Variants in RLF observed in about 807,000 individuals in gnomAD.
RLF encodes the protein zinc finger protein Rlf.
In RLF, 7 loss-of-function variants were observed where a neutral mutation model predicts 162.9. The observed-to-expected ratio is 0.04, with a 90% CI of 0.02 to 0.08. RLF has a LOEUF of 0.08. RLF is among the 10% of genes least tolerant of loss of function. RLF has a pLI of 1.00. For synonymous variants in RLF, 782 were observed against 791.5 expected (o/e 0.99, Z 0.20); for missense variants, 1,664 against 2,244.7 (o/e 0.74, Z 5.23).
rs1417366690 is a variant in RLF, at chr1:40,220,498, A to C, written c.811-2076A>C. ...CCCAGAAAGTCTTTTTTGGTCCCCA[A>C]ATTTGAGTTAGATTCTTCCTACCAA... On this transcript the variant is annotated intron_variant, in intron 5 of 7. Coordinates refer to ENST00000372771, the MANE Select transcript of RLF (RefSeq NM_012421.4). Among the ~76,000 whole-genome samples, 3 of 152,076 alleles carry C rather than the reference A, an allele frequency of 2.0e-5. No individual in the cohort carries two copies. In the East Asian group the frequency reaches 5.8e-4, roughly 29 times the overall value.
intron 5 of RLF, among the ~76,000 whole-genome samples, chr1:40,218,261 A>G (rs189155452): frequency 2.1e-4 from 32 of 152,288 alleles, no homozygotes; most frequent in Admixed American, 1.8e-3. Context: ...CCACCTTCAT[A>G]TGGTTGCCTT....
intron 5 of RLF, among the ~76,000 whole-genome samples, chr1:40,219,408 A>G (rs996468534): frequency 1.3e-5 from 2 of 152,210 alleles, no homozygotes; most frequent in African/African-American, 4.8e-5. Context: ...TTTAGAGTCT[A>G]TAAGGAAGAA....
rs141275480 is a variant in RLF, at chr1:40,232,371, A to G, written c.1089+713A>G. On this transcript the variant is annotated intron_variant, in intron 7 of 7. Coordinates refer to ENST00000372771, the MANE Select transcript of RLF (RefSeq NM_012421.4). ...AATAACATCACAAAAATTAATACTTAAAACAATGTCCGTTTTTATCAGTTC... is the reference window on the plus strand; with the variant it reads ...AATAACATCACAAAAATTAATACTTGAAACAATGTCCGTTTTTATCAGTTC... Among the ~76,000 whole-genome samples the G allele has an allele frequency of 1.2e-3, 184 of 152,348 alleles. 5 individuals carry two copies. In the South Asian group the frequency reaches 0.024, roughly 20 times the overall value.
At chr1:40,228,192 A>G (rs963136039) in intron 6 of RLF, among the ~76,000 whole-genome samples, 1 of 151,868 alleles carries the variant, frequency 6.6e-6, no homozygotes, top group Non-Finnish European at 1.5e-5. Context: ...AGGCTGAGGC[A>G]GGAGAATTGC....
chr1:40,165,365 A>G (rs769029339), intron 1 of RLF, among the ~76,000 whole-genome samples: 8 of 152,224 alleles, frequency 5.3e-5, no homozygotes, highest in Non-Finnish European at 1.0e-4. Context: ...TTTGGGAAAG[A>G]TGATTTTAAT....
chr1:40,221,917 A>AAAAAAAAAAAAAAAAAAAAAAG (rs1486982312), intron 5 of RLF, among the ~76,000 whole-genome samples: 11 of 150,376 alleles, frequency 7.3e-5, no homozygotes, highest in South Asian at 4.2e-4. Context: ...AAAAAAAAAA[A>AAAAAAAAAAAAAAAAAAAAAAG]AGAGAAAGGA....
At chr1:40,188,618 GAA>G (rs11406786) in intron 1 of RLF, among the ~76,000 whole-genome samples, 17 of 145,964 alleles carry the variant, frequency 1.2e-4, no homozygotes, top group Non-Finnish European at 2.4e-4. Flanking sequence ...CATGTGTCCA[GAA>G]AAAAAAAAAA....
chr1:40,187,011 T>G (rs1158731836), intron 1 of RLF, among the ~76,000 whole-genome samples: 1 of 152,072 alleles, frequency 6.6e-6, no homozygotes, highest in Non-Finnish European at 1.5e-5. Context: ...AACATAGATT[T>G]TAATAAATTT....
At chr1:40,228,819 A>G (rs894686397) in intron 6 of RLF, among the ~76,000 whole-genome samples, 1 of 151,994 alleles carries the variant, frequency 6.6e-6, no homozygotes, top group African/African-American at 2.4e-5. Context: ...TTGAGAGAAG[A>G]TATTACTCTG....
chr1:40,207,645 C>G (rs1302625893), intron 5 of RLF, among the ~76,000 whole-genome samples: 5 of 152,164 alleles, frequency 3.3e-5, no homozygotes, highest in African/African-American at 4.8e-5. Flanking sequence ...GACAGAGTCT[C>G]TGTCGCCCAG....
intron 1 of RLF, among the ~76,000 whole-genome samples, chr1:40,166,737 A>T (rs970208192): frequency 1.3e-5 from 2 of 151,852 alleles, no homozygotes; most frequent in African/African-American, 4.8e-5. Context: ...CATCATTCTG[A>T]GCAAACTATT....
chr1:40,238,966 A>C lies in RLF; in HGVS notation c.4264A>C (p.Asn1422His). The change falls in exon 8 of 8, where the codon AAC (asparagine) becomes CAC (histidine). Residue 1422 changes from asparagine (N) to histidine (H), a missense_variant. By Grantham distance (68) the Asn-to-His change is moderately conservative. Around this residue, in one of 15 missense-constraint regions of RLF, gnomAD observed 200 missense variants for 207.3 expected, o/e 0.96. Transcript: ENST00000372771. This position sits in a 1 kb window ranked among gnomAD's most constrained non-coding sequence, Gnocchi z 5.2. The part of the protein sequence containing the change: ...PQCPAVFYTF[N>H]KLKHHLMEQH... ...GTGCCCTGCTGTTTTTTATACATTCAACAAGTTGAAGCACCACTTGATGGA... is the reference window on the plus strand; with the variant it reads ...GTGCCCTGCTGTTTTTTATACATTCCACAAGTTGAAGCACCACTTGATGGA... 1.2e-6 allele frequency: 2 copies of C among 1,614,212 alleles called. No individual in the cohort carries two copies. The highest frequency in any genetic ancestry group is 1.7e-6 in the Non-Finnish European group (2 of 1,180,030).
At chr1:40,186,461 G>T (rs767428385) in intron 1 of RLF, among the ~76,000 whole-genome samples, 33 of 152,198 alleles carry the variant, frequency 2.2e-4, no homozygotes, top group Non-Finnish European at 4.0e-4. Flanking sequence ...AGTTCCTCAA[G>T]AGTATTGAAT....
rs1321132637 is a variant in RLF at position 40,237,956 on chromosome 1, T to C, written c.3254T>C (p.Leu1085Ser). The C allele has an allele frequency of 1.2e-6, 2 of 1,614,162 alleles. No homozygotes were observed. The highest frequency in any genetic ancestry group is 1.6e-4 in the Middle Eastern group (1 of 6,062). Residue 1085 changes from leucine (L) to serine (S), a missense_variant, in exon 8 of 8, where the codon TTG (leucine) becomes TCG (serine). By Grantham distance (145) the Leu-to-Ser change is moderately radical (BLOSUM62 -2). Coordinates refer to ENST00000372771, the MANE Select transcript of RLF (RefSeq NM_012421.4). This position sits in a 1 kb window ranked among gnomAD's most constrained non-coding sequence, Gnocchi z 4.4. ...SITHGSFSGSLQGYPSSGAKS... is the reference protein window; with the variant it reads ...SITHGSFSGSSQGYPSSGAKS... ...ACACATGGATCTTTCTCAGGGTCAT[T>C]GCAGGGGTACCCATCCAGTGGTGCT...
Position 40,202,506 on chromosome 1 carries a change from A to G in RLF, c.702A>G (p.Leu234=). Reference sequence around the variant, plus strand: ...ACTGCATCCCCCAGGCTACTGCTTTATCAAAACTATGTGCAGAATCTAAAG... The same window carrying G: ...ACTGCATCCCCCAGGCTACTGCTTTGTCAAAACTATGTGCAGAATCTAAAG... The part of the protein sequence containing the change: ...KSNCIPQATA[L]SKLCAESKEI... The change falls in exon 5 of 8, where the codon TTA becomes TTG. Residue 234 remains leucine (L), a synonymous_variant. Transcript: ENST00000372771. 1.3e-6 allele frequency: 2 copies of G among 1,578,106 alleles called. No individual in the cohort carries two copies. The highest frequency in any genetic ancestry group is 2.1e-5 in the Admixed American group (1 of 48,700).
intron 1 of RLF, among the ~76,000 whole-genome samples, chr1:40,182,897 T>G (rs1328044540): frequency 6.6e-6 from 1 of 151,234 alleles, no homozygotes; most frequent in East Asian, 1.9e-4. Flanking sequence ...ACTTAGGGGG[T>G]TTAATTTACT....
At chr1:40,163,443 A>G (rs1642123803) in intron 1 of RLF, among the ~76,000 whole-genome samples, 1 of 152,208 alleles carries the variant, frequency 6.6e-6, no homozygotes, top group Non-Finnish European at 1.5e-5. Context: ...TTGTCAAAGG[A>G]TCACATATAT....
At position 40,237,853 on chromosome 1, in the gene RLF, T is replaced by C. The variant is rs539369719; in HGVS notation, c.3151T>C (p.Ser1051Pro). 1.9e-6 allele frequency: 3 copies of C among 1,614,146 alleles called. No individual in the cohort carries two copies. The African/African-American group carries it at 4.0e-5, about 22-fold the overall frequency. ...TTCCTCAGAATCCTCCATTTGTGCT[T>C]CTAAAAGGCCCTGTACAGAGGATAC... is the stretch of plus-strand genomic sequence containing the variant. ...GYSSESSICA[S>P]KRPCTEDTML... The change falls in exon 8 of 8, where the codon TCT becomes CCT. Residue 1051 changes from serine (S) to proline (P), a missense_variant. Transcript: ENST00000372771. The surrounding 1 kb of genome is among the most constrained non-coding windows in gnomAD (Gnocchi z 4.4).
At chr1:40,215,711 T>A (rs1041057011) in intron 5 of RLF, among the ~76,000 whole-genome samples, 2 of 151,950 alleles carry the variant, frequency 1.3e-5, no homozygotes, top group African/African-American at 4.8e-5. Context: ...CCTCCCAAAG[T>A]GTTGAGACTA....
Sources: gnomAD v4.1 joint callset for allele counts (sites outside exome capture counted in the v4.1 genomes callset) on GRCh38, gnomAD v4.1.1 for gene constraint, gnomAD v4.1.1 regional missense constraint, Gnocchi (gnomAD v3.1) non-coding constraint, MANE v1.5 for transcripts, NCBI Gene and HGNC (gene_info 2026-07-23, HGNC 2026-07-21) for gene names.